Variants in PPFIBP2 observed in about 807,000 individuals in gnomAD.
PPFIBP2 encodes liprin-beta-2.
PPFIBP2 carries 118 observed loss-of-function variants against 118.3 expected under a neutral mutation model. The ratio of observed to expected loss-of-function variants is 1.00; its 90% CI spans 0.86 to 1.16. PPFIBP2 has a LOEUF of 1.16. Among genes scored for constraint, PPFIBP2 ranks in the 50% most tolerant of loss-of-function variants. The probability of loss-of-function intolerance (pLI) is 0.00; values close to 1 mark genes in which losing one functional copy is unlikely to be tolerated. For missense variants in PPFIBP2, 1,195 were observed against 1,073.1 expected (o/e 1.11, Z -1.59); for synonymous variants, 414 against 397.4 (o/e 1.04, Z -0.50).
At chr11:7,564,497 C>T (rs866522674) in intron 2 of PPFIBP2, among the ~76,000 whole-genome samples, 10 of 152,162 alleles carry the variant, frequency 6.6e-5, no homozygotes, top group Non-Finnish European at 1.0e-4. Context: ...CTGGGAAGAT[C>T]CAGAAAGATT....
chr11:7,523,930 G>A lies in PPFIBP2; in HGVS notation c.-37+9809G>A, dbSNP rs929547410. Among the ~76,000 whole-genome samples the A allele has an allele frequency of 3.9e-5, 6 of 152,314 alleles. No homozygotes were observed. In the South Asian group the frequency reaches 1.2e-3, roughly 32 times the overall value. On this transcript the variant is annotated intron_variant, in intron 1 of 23. Coordinates refer to ENST00000299492, the MANE Select transcript of PPFIBP2 (RefSeq NM_003621.5). Reference sequence around the variant, plus strand: ...GTTACACTTCCACAGTAACTTGTGTGCATGGTTGAAATGCAGCCATCACAT... The same window carrying A: ...GTTACACTTCCACAGTAACTTGTGTACATGGTTGAAATGCAGCCATCACAT...
chr11:7,581,489 ACT>A (rs1333405313), intron 3 of PPFIBP2, among the ~76,000 whole-genome samples: 2 of 152,052 alleles, frequency 1.3e-5, no homozygotes, highest in Non-Finnish European at 2.9e-5. Flanking sequence ...AGTGGAATTA[ACT>A]CAAGCTGCTA....
chr11:7,593,051 T>C (rs7939893), intron 3 of PPFIBP2, 81 bp from the exon 4 acceptor site: 531,062 of 1,553,436 alleles, frequency 0.34, 91,591 homozygotes, highest in South Asian at 0.4. Context: ...ACAAATTACA[T>C]GCATCCCTTA....
rs139276378 is a variant in PPFIBP2, at chr11:7,536,776, G to A, written c.-36-12664G>A. Reference sequence around the variant, plus strand: ...TTCCCCAGGCAGAGGGAGAGTGAGCGTAAGTTGTGACCAGAGAGGTAGAAT... The same window carrying A: ...TTCCCCAGGCAGAGGGAGAGTGAGCATAAGTTGTGACCAGAGAGGTAGAAT... On this transcript the variant is annotated intron_variant, in intron 1 of 23. Transcript: ENST00000299492. Among the ~76,000 whole-genome samples, 307 of 152,234 alleles carry A rather than the reference G, an allele frequency of 2.0e-3. 3 individuals are homozygous for A. The highest frequency in any genetic ancestry group is 6.9e-3 in the African/African-American group (288 of 41,536).
chr11:7,630,503 G>A (rs1282707578), intron 10 of PPFIBP2, among the ~76,000 whole-genome samples: 3 of 152,270 alleles, frequency 2.0e-5, no homozygotes, highest in Non-Finnish European at 4.4e-5. Flanking sequence ...GTGGAGATGG[G>A]GTTTCAACAT....
chr11:7,609,884 A>G (rs1476917161), intron 5 of PPFIBP2, among the ~76,000 whole-genome samples: 2 of 152,340 alleles, frequency 1.3e-5, no homozygotes, highest in Admixed American at 1.3e-4. Flanking sequence ...TTGAGCCCAG[A>G]AAGTGATCTA....
intron 1 of PPFIBP2, among the ~76,000 whole-genome samples, chr11:7,532,764 A>AT (rs1850833749): frequency 6.6e-6 from 1 of 152,252 alleles, no homozygotes; most frequent in South Asian, 2.1e-4. Flanking sequence ...CTTTAAAGAA[A>AT]TTCTTTGGTC....
chr11:7,655,477 C>T (rs1393460262), downstream of PPFIBP2: 28 of 1,289,676 alleles, frequency 2.2e-5, no homozygotes, highest in Non-Finnish European at 2.7e-5. Context: ...GGCTCCTCTC[C>T]CAAGACATTC....
chr11:7,615,335 C>CAA (rs35137869), intron 6 of PPFIBP2, among the ~76,000 whole-genome samples: 8 of 99,172 alleles, frequency 8.1e-5, no homozygotes, highest in Non-Finnish European at 1.3e-4. Context: ...GACTCCGTCT[C>CAA]AAAAAAAAAA....
intron 3 of PPFIBP2, chr11:7,568,853 G>C (rs1436598275): frequency 6.6e-6 from 1 of 152,234 alleles, no homozygotes; most frequent in Non-Finnish European, 1.5e-5. Flanking sequence ...GAAGCGTTAA[G>C]TGTAAAAGAA....
Position 7,653,628 on chromosome 11 carries a change from C to T in PPFIBP2, c.*410C>T. Reference sequence around the variant, plus strand: ...GCTCAAGTGCCTTAGGCCCGTGGACCACAGTCTTGGCTGAGATCAAAGGGA... The same window carrying T: ...GCTCAAGTGCCTTAGGCCCGTGGACTACAGTCTTGGCTGAGATCAAAGGGA... On this transcript the variant is annotated 3_prime_UTR_variant, in exon 24 of 24. Transcript: ENST00000299492. 7.7e-7 allele frequency: 1 copy of T among 1,294,912 alleles called. No individual in the cohort carries two copies. 80.2% of individuals were successfully genotyped at this position (1,294,912 alleles called of 1,614,324 possible). A position where few individuals can be genotyped will look rare whatever the true frequency, so the allele number is the denominator to read the frequency against.
intron 6 of PPFIBP2, among the ~76,000 whole-genome samples, chr11:7,618,559 T>C (rs1029549458): frequency 5.9e-5 from 9 of 152,160 alleles, no homozygotes; most frequent in Non-Finnish European, 8.8e-5. Context: ...CTTGTGGGCA[T>C]TGGAGCCTCT....
Position 7,653,195 on chromosome 11 carries a change from G to C in PPFIBP2, c.2608G>C (p.Asp870His). The change falls in exon 24 of 24, where the codon GAC becomes CAC. Residue 870 changes from aspartate (D) to histidine (H), a missense_variant. Transcript: ENST00000299492. ...PLDAPELDGL[D>H]QVGQIS The stretch of plus-strand genomic sequence containing the variant: ...TGATGCCCCTGAACTGGATGGGCTG[G>C]ACCAGGTGGGACAGATTAGCTGATG... 6.2e-7 allele frequency: 1 copy of C among 1,614,156 alleles called. No homozygotes were observed. Among genetic ancestry groups the C allele is most frequent in the African/African-American group, 1.3e-5 (1 of 75,074 alleles).
At chr11:7,540,707 C>T (rs1181519214) in intron 1 of PPFIBP2, among the ~76,000 whole-genome samples, 6 of 152,216 alleles carry the variant, frequency 3.9e-5, no homozygotes, top group Admixed American at 2.0e-4. Context: ...GACCCAGACA[C>T]GTGGCACAGT....
intron 1 of PPFIBP2, among the ~76,000 whole-genome samples, chr11:7,532,184 C>G (rs2134350932): frequency 6.6e-6 from 1 of 152,142 alleles, no homozygotes; most frequent in African/African-American, 2.4e-5. Flanking sequence ...TTTGTCTTCA[C>G]ATGGTCTTTC....
Position 7,554,863 on chromosome 11 carries a change from T to C in PPFIBP2, c.64+5324T>C, listed in dbSNP as rs760348825. On this transcript the variant is annotated intron_variant, in intron 2 of 23. Coordinates refer to ENST00000299492, the MANE Select transcript of PPFIBP2 (RefSeq NM_003621.5). ...GACCTCAGTATTTTATATCAGAAAGTTGGGAAAGGGTGGCTGTTAAAGACT... is the reference window on the plus strand; with the variant it reads ...GACCTCAGTATTTTATATCAGAAAGCTGGGAAAGGGTGGCTGTTAAAGACT... Among the ~76,000 whole-genome samples, 43 of 150,286 alleles carry C rather than the reference T, an allele frequency of 2.9e-4. 1 individual carries two copies. Among genetic ancestry groups the C allele is most frequent in the South Asian group, 1.1e-3 (5 of 4,692 alleles).
chr11:7,541,010 A>G (rs868688139), intron 1 of PPFIBP2, among the ~76,000 whole-genome samples: 6 of 152,346 alleles, frequency 3.9e-5, no homozygotes, highest in African/African-American at 9.6e-5. Context: ...GCCGTGACCA[A>G]GTAGGTTGAG....
intron 1 of PPFIBP2, among the ~76,000 whole-genome samples, chr11:7,528,667 G>A (rs1034530024): frequency 6.6e-6 from 1 of 152,210 alleles, no homozygotes; most frequent in Non-Finnish European, 1.5e-5. Context: ...GTTGAGAGGA[G>A]GGACCGATAC....
chr11:7,598,100 A>T (rs1860733505), intron 5 of PPFIBP2: 1 of 156,086 alleles, frequency 6.4e-6, no homozygotes, highest in African/African-American at 2.4e-5. Flanking sequence ...AAAATATTAT[A>T]TAAATAACCT....
Sources: allele counts gnomAD v4.1 joint callset (sites outside exome capture counted in the v4.1 genomes callset), GRCh38; gene constraint gnomAD v4.1.1; transcripts MANE v1.5; gene names NCBI Gene and HGNC (gene_info 2026-07-23, HGNC 2026-07-21).